EXOC4: variants seen among roughly 807,000 people sequenced by gnomAD.
The protein encoded by EXOC4 is exocyst complex component 4.
A neutral mutation model predicts 107.2 loss-of-function variants in EXOC4; 71 were observed. The observed-to-expected ratio is 0.66, with a 90% confidence interval of 0.55 to 0.81. EXOC4 has a LOEUF of 0.81. EXOC4 is among the 30% of genes least tolerant of loss of function. The probability of loss-of-function intolerance (pLI) is 0.00; values close to 1 mark genes in which losing one functional copy is unlikely to be tolerated. For missense variants in EXOC4, 1,108 were observed against 1,189.6 expected (o/e 0.93, Z 1.01); for synonymous variants, 456 against 441.2 (o/e 1.03, Z -0.42).
chr7:133,968,067 C>T (rs1236193281), intron 14 of EXOC4, among the ~76,000 whole-genome samples: 1 of 152,174 alleles, frequency 6.6e-6, no homozygotes, highest in Non-Finnish European at 1.5e-5. Context: ...TTGCATTAAT[C>T]CCTTTAACCA....
chr7:133,831,381 G>A (rs1232729346), intron 11 of EXOC4, among the ~76,000 whole-genome samples: 1 of 152,134 alleles, frequency 6.6e-6, no homozygotes, highest in African/African-American at 2.4e-5. Flanking sequence ...TGAGAGAGCT[G>A]GCTGTTCTCC....
chr7:133,639,245 T>C (rs1408275829), intron 10 of EXOC4, among the ~76,000 whole-genome samples: 1 of 152,202 alleles, frequency 6.6e-6, no homozygotes, highest in Admixed American at 6.5e-5. Flanking sequence ...ATCATTCCCC[T>C]TGCTCCTCAG....
chr7:133,545,353 T>C (rs772711298), intron 9 of EXOC4, among the ~76,000 whole-genome samples: 6 of 152,164 alleles, frequency 3.9e-5, no homozygotes, highest in Non-Finnish European at 7.4e-5. Context: ...GTAATACCTA[T>C]TTTAATGATT....
intron 14 of EXOC4, among the ~76,000 whole-genome samples, chr7:133,967,483 C>G (rs1159753217): frequency 6.6e-6 from 1 of 152,220 alleles, no homozygotes; most frequent in Admixed American, 6.5e-5. Context: ...AAATTTCCCT[C>G]TAAACACTGC....
chr7:134,098,501 C>G, the EXOC4 span, among the ~76,000 whole-genome samples: 2 of 152,054 alleles, frequency 1.3e-5, no homozygotes, highest in African/African-American at 4.8e-5. Flanking sequence ...GAAAAGAAAG[C>G]TAGGTCTGCA....
intron 6 of EXOC4, among the ~76,000 whole-genome samples, chr7:133,369,800 C>CA (rs1796324848): frequency 1.2e-5 from 1 of 86,640 alleles, no homozygotes; most frequent in Non-Finnish European, 2.1e-5. Context: ...ACTAGATTTC[C>CA]TTTTTTTTTT....
chr7:133,483,930 A>G, intron 9 of EXOC4: 6 of 1,118,966 alleles, frequency 5.4e-6, no homozygotes, highest in Non-Finnish European at 8.2e-6. Flanking sequence ...GTTCAGTCAA[A>G]CCGTAAGAGA....
chr7:133,469,822 A>T (rs947605283), intron 7 of EXOC4, among the ~76,000 whole-genome samples: 1 of 152,102 alleles, frequency 6.6e-6, no homozygotes, highest in African/African-American at 2.4e-5. Context: ...TTCATTCTTT[A>T]TTCTCCCTCT....
intron 5 of EXOC4, among the ~76,000 whole-genome samples, chr7:133,343,194 T>C (rs947721424): frequency 6.6e-6 from 1 of 152,004 alleles, no homozygotes; most frequent in Non-Finnish European, 1.5e-5. Context: ...CTGTTTAAAT[T>C]TTTTTTGGCC....
intron 14 of EXOC4, among the ~76,000 whole-genome samples, chr7:133,980,625 T>A (rs1430916104): frequency 6.6e-6 from 1 of 152,258 alleles, no homozygotes; most frequent in African/African-American, 2.4e-5. Context: ...AGAATACTCA[T>A]ATCCTTTTAC....
At chr7:133,993,277 C>G (rs1193344264) in intron 14 of EXOC4, among the ~76,000 whole-genome samples, 1 of 152,036 alleles carries the variant, frequency 6.6e-6, no homozygotes, top group Non-Finnish European at 1.5e-5. Context: ...GTTTTCCTGT[C>G]AAATGATGAG....
chr7:133,995,961 C>G (rs1794382194), intron 14 of EXOC4, among the ~76,000 whole-genome samples: 1 of 152,138 alleles, frequency 6.6e-6, no homozygotes, highest in South Asian at 2.1e-4. Flanking sequence ...CCCATGTTCC[C>G]TAAGTCCAGA....
At chr7:133,914,240 C>A (rs886746314) in intron 12 of EXOC4, among the ~76,000 whole-genome samples, 26 of 148,968 alleles carry the variant, frequency 1.7e-4, no homozygotes, top group Admixed American at 4.7e-4. Context: ...AATATGTAAC[C>A]AAACTCAAAA....
At chr7:133,593,031 G>T (rs1801586552) in intron 9 of EXOC4, among the ~76,000 whole-genome samples, 1 of 152,206 alleles carries the variant, frequency 6.6e-6, no homozygotes, top group Admixed American at 6.5e-5. Flanking sequence ...ACAGGCATGA[G>T]CCACCGTGCC....
chr7:133,920,954 G>T (rs1391752917), intron 13 of EXOC4, among the ~76,000 whole-genome samples: 1 of 152,158 alleles, frequency 6.6e-6, no homozygotes, highest in African/African-American at 2.4e-5. Context: ...ATTAGTCAAG[G>T]TTTTGCAGAG....
intron 9 of EXOC4, among the ~76,000 whole-genome samples, chr7:133,597,040 A>C (rs764855209): frequency 1.1e-4 from 17 of 152,162 alleles, no homozygotes. Context: ...TATATGTGGA[A>C]TATCCCCTCA....
At chr7:134,070,790 TAA>T (rs148726355), downstream of EXOC4, among the ~76,000 whole-genome samples, 10 of 151,168 alleles carry the variant, frequency 6.6e-5, no homozygotes, top group African/African-American at 2.2e-4. Flanking sequence ...GGAAAAAAAA[TAA>T]AAGGAACTTA....
At chr7:133,910,334 A>G (rs1301206032) in intron 12 of EXOC4, among the ~76,000 whole-genome samples, 1 of 152,142 alleles carries the variant, frequency 6.6e-6, no homozygotes, top group Non-Finnish European at 1.5e-5. Context: ...GAACTTGTCT[A>G]TTTAAAGGTT....
In EXOC4 at chr7:134,046,658, C is replaced by T. The variant is rs758587359; in HGVS notation, c.2688-17633C>T. Among the ~76,000 whole-genome samples, 196 of 151,998 alleles carry T rather than the reference C, an allele frequency of 1.3e-3. 1 individual carries two copies. Among genetic ancestry groups the T allele is most frequent in the East Asian group, 3.1e-3 (16 of 5,168 alleles). ...GACCTTTCCCCAGTACTCCAGGCCT[C>T]AGTTACCTGCGTTCGTTAATGTTGG... is the stretch of plus-strand genomic sequence containing the variant. On this transcript the variant is annotated intron_variant, in intron 17 of 17. Coordinates refer to ENST00000253861, the MANE Select transcript of EXOC4 (RefSeq NM_021807.4).
Sources: gnomAD v4.1 joint callset for allele counts (sites outside exome capture counted in the v4.1 genomes callset) on GRCh38, gnomAD v4.1.1 for gene constraint, MANE v1.5 for transcripts, NCBI Gene and HGNC (gene_info 2026-07-23, HGNC 2026-07-21) for gene names.